TRAPPC9: variants seen among roughly 807,000 people sequenced by gnomAD.
TRAPPC9 encodes IKK2 binding protein.
TRAPPC9 carries 83 observed loss-of-function variants against 124.0 expected under a neutral mutation model. The ratio of observed to expected loss-of-function variants is 0.67; its 90% CI spans 0.56 to 0.80. The LOEUF is 0.80. Among genes scored for constraint, TRAPPC9 ranks in the 30% least tolerant of loss-of-function variants. The pLI, the probability that TRAPPC9 is intolerant of heterozygous loss-of-function variation, is 0.00. For synonymous variants in TRAPPC9, 638 were observed against 617.5 expected (o/e 1.03, Z -0.49); for missense variants, 1,302 against 1,508.3 (o/e 0.86, Z 2.27).
At chr8:139,868,690 T>C (rs1297603423) in intron 21 of TRAPPC9, among the ~76,000 whole-genome samples, 1 of 152,250 alleles carries the variant, frequency 6.6e-6, no homozygotes, top group Non-Finnish European at 1.5e-5. Context: ...TAACACTACC[T>C]ACTCTGGAGA....
chr8:140,091,571 G>A (rs1280659133), intron 17 of TRAPPC9, among the ~76,000 whole-genome samples: 5 of 152,196 alleles, frequency 3.3e-5, no homozygotes, highest in Non-Finnish European at 5.9e-5. Flanking sequence ...GAAACCAGGG[G>A]TTCTCTTTGG....
Position 140,252,949 on chromosome 8 carries a change from A to G in TRAPPC9, c.2279-20T>C, listed in dbSNP as rs1176148357. 6.2e-7 allele frequency: 1 copy of G among 1,612,918 alleles called. No homozygotes were observed. Among genetic ancestry groups the G allele is most frequent in the Admixed American group, 1.7e-5 (1 of 59,996 alleles). ...ATTTTTCTGTAATAATAACAATGAC[A>G]GTGATGAGGATGCTGTAACTGAGGC... is the stretch of plus-strand genomic sequence containing the variant. On this transcript the variant is annotated intron_variant, in intron 15 of 22. Transcript: ENST00000438773. This position sits in a 1 kb window ranked among gnomAD's most constrained non-coding sequence, Gnocchi z 4.2.
intron 16 of TRAPPC9, among the ~76,000 whole-genome samples, chr8:140,251,153 C>T (rs1388631580): frequency 6.6e-6 from 1 of 152,212 alleles, no homozygotes; most frequent in African/African-American, 2.4e-5. Flanking sequence ...ATGGGAGAAA[C>T]CACGGTCACC....
intron 9 of TRAPPC9, among the ~76,000 whole-genome samples, chr8:140,345,533 A>C (rs1265634064): frequency 6.6e-6 from 1 of 152,238 alleles, no homozygotes; most frequent in African/African-American, 2.4e-5. Flanking sequence ...GCTGGTTCTC[A>C]TCTCCTCGGA....
intron 6 of TRAPPC9, among the ~76,000 whole-genome samples, chr8:140,402,830 C>T (rs1283241930): frequency 1.3e-5 from 2 of 151,902 alleles, no homozygotes; most frequent in African/African-American, 4.8e-5. Flanking sequence ...GTATTTAGTA[C>T]AGGTAAGAAT....
At chr8:140,151,327 A>G (rs2061540130) in intron 17 of TRAPPC9, among the ~76,000 whole-genome samples, 1 of 152,132 alleles carries the variant, frequency 6.6e-6, no homozygotes, top group South Asian at 2.1e-4. Flanking sequence ...GAGCTTCCCT[A>G]TGGGACATCC....
intron 17 of TRAPPC9, among the ~76,000 whole-genome samples, chr8:140,136,987 A>G (rs1481461603): frequency 6.6e-6 from 1 of 152,140 alleles, no homozygotes; most frequent in African/African-American, 2.4e-5. Flanking sequence ...AGGAGGAGGG[A>G]CAAAAATGCC....
Position 139,961,945 on chromosome 8 carries a change from G to C in TRAPPC9, c.2810+26781C>G, listed in dbSNP as rs1026755167. On this transcript the variant is annotated intron_variant, in intron 19 of 22. Coordinates refer to ENST00000438773, the MANE Select transcript of TRAPPC9 (RefSeq NM_001160372.4). ...TGCAGAGACAAATAACCCCTCTGCTGATAGCTGGAGATGATGGGACAACCA... is the reference window on the plus strand; with the variant it reads ...TGCAGAGACAAATAACCCCTCTGCTCATAGCTGGAGATGATGGGACAACCA... 1.6e-5 allele frequency among the ~76,000 whole-genome samples: 2 copies of C among 124,006 alleles called. 1 individual carries two copies. Among genetic ancestry groups the C allele is most frequent in the Non-Finnish European group, 3.8e-5 (2 of 51,968 alleles). The allele number at this position is 124,006 out of a possible 152,430, so 81.4% of individuals were successfully genotyped here. A position where few individuals can be genotyped will look rare whatever the true frequency, so the allele number is the denominator to read the frequency against.
intron 16 of TRAPPC9, among the ~76,000 whole-genome samples, chr8:140,250,082 A>G (rs2064095856): frequency 1.3e-5 from 2 of 152,216 alleles, no homozygotes; most frequent in Admixed American, 1.3e-4. Context: ...CCAGGATACA[A>G]TTAAGGATCA....
intron 2 of TRAPPC9, 131 bp from the exon 3 acceptor site, chr8:140,439,328 G>T: frequency 9.7e-7 from 1 of 1,031,774 alleles, no homozygotes; most frequent in Non-Finnish European, 1.4e-6. Context: ...ATAATTTTAA[G>T]TCAGCAATAA....
chr8:139,956,970 G>A (rs1835028814), intron 19 of TRAPPC9, among the ~76,000 whole-genome samples: 1 of 152,246 alleles, frequency 6.6e-6, no homozygotes, highest in Admixed American at 6.5e-5. Flanking sequence ...AGGCCCTGAG[G>A]TGCTTGCTGC....
intron 17 of TRAPPC9, chr8:140,099,323 A>G (rs1400883371): frequency 6.6e-6 from 1 of 151,006 alleles, no homozygotes; most frequent in Non-Finnish European, 1.5e-5. Context: ...GCGCAACTGC[A>G]GTAGTGCCGC....
chr8:140,071,308 A>G lies in TRAPPC9; in HGVS notation c.2557-47229T>C, dbSNP rs117640910. Among the ~76,000 whole-genome samples the G allele has an allele frequency of 2.4e-3, 360 of 152,320 alleles. 3 individuals are homozygous for G. In the East Asian group the frequency reaches 0.029, roughly 12 times the overall value. The stretch of plus-strand genomic sequence containing the variant: ...CTGTGGACCAGCCCTCGACACTCAC[A>G]GTCTCGCTCTCACTCCAGCGGTCAT... On this transcript the variant is annotated intron_variant, in intron 17 of 22. Transcript: ENST00000438773.
chr8:140,252,851 G>A lies in TRAPPC9; in HGVS notation c.2357C>T (p.Ala786Val), dbSNP rs777425800. 2.5e-6 allele frequency: 4 copies of A among 1,614,118 alleles called. No homozygotes were observed. Among genetic ancestry groups the A allele is most frequent in the Non-Finnish European group, 3.4e-6 (4 of 1,180,016 alleles). Reference sequence around the variant, plus strand: ...CACTTTGATGTTGATTGTGAACGTGGCCACCTTCCCAGGCTGCAAAGGGAA... The same window carrying A: ...CACTTTGATGTTGATTGTGAACGTGACCACCTTCCCAGGCTGCAAAGGGAA... ...AQFPLQPGKV[A>V]TFTINIKVKL... The change falls in exon 16 of 23, where the codon GCC becomes GTC. Residue 786 changes from alanine (A) to valine (V), a missense_variant. Coordinates refer to ENST00000438773, the MANE Select transcript of TRAPPC9 (RefSeq NM_001160372.4). The surrounding 1 kb of genome is among the most constrained non-coding windows in gnomAD (Gnocchi z 4.2).
At chr8:140,238,910 C>T (rs1259941081) in intron 16 of TRAPPC9, among the ~76,000 whole-genome samples, 1 of 152,222 alleles carries the variant, frequency 6.6e-6, no homozygotes, top group East Asian at 1.9e-4. Flanking sequence ...CAGCAAACAC[C>T]AGGCAAAGCA....
intron 17 of TRAPPC9, among the ~76,000 whole-genome samples, chr8:140,140,070 T>C (rs6992848): frequency 0.29 from 44,511 of 151,964 alleles, 7,066 homozygotes; most frequent in African/African-American, 0.39. Context: ...GTGCAGTGAG[T>C]GGCAAACAGC....
At chr8:140,090,986 G>A (rs1387343848) in intron 17 of TRAPPC9, among the ~76,000 whole-genome samples, 5 of 152,212 alleles carry the variant, frequency 3.3e-5, no homozygotes, top group South Asian at 2.1e-4. Context: ...ATTAAAAGTC[G>A]CAGTCCAAAA....
intron 17 of TRAPPC9, among the ~76,000 whole-genome samples, chr8:140,123,979 C>T (rs965300713): frequency 4.6e-5 from 7 of 152,222 alleles, no homozygotes; most frequent in African/African-American, 1.4e-4. Flanking sequence ...GTCTGTCTCA[C>T]TCTGGACCCT....
At chr8:140,203,261 G>A (rs1243235132) in intron 17 of TRAPPC9, among the ~76,000 whole-genome samples, 1 of 152,184 alleles carries the variant, frequency 6.6e-6, no homozygotes, top group Non-Finnish European at 1.5e-5. Flanking sequence ...CACACCCGCA[G>A]GTATTCATAT....
Sources: allele counts gnomAD v4.1 joint callset (sites outside exome capture counted in the v4.1 genomes callset), GRCh38; gene constraint gnomAD v4.1.1; non-coding constraint Gnocchi (gnomAD v3.1); transcripts MANE v1.5; gene names NCBI Gene and HGNC (gene_info 2026-07-23, HGNC 2026-07-21).